Variants in MAGI2 observed in about 807,000 individuals in gnomAD.
The protein encoded by MAGI2 is membrane associated guanylate kinase, WW and PDZ domain containing 2.
MAGI2 carries 35 observed loss-of-function variants against 133.3 expected under a neutral mutation model. The observed-to-expected ratio is 0.26, with a 90% CI of 0.20 to 0.35. The LOEUF is 0.35. Ranked by LOEUF, MAGI2 falls within the 10% of genes least tolerant of loss-of-function variation. The pLI is 1.00. For synonymous variants in MAGI2, 729 were observed against 710.6 expected (o/e 1.03, Z -0.41); for missense variants, 1,636 against 1,863.4 (o/e 0.88, Z 2.25).
intron 2 of MAGI2, among the ~76,000 whole-genome samples, chr7:78,827,720 A>G (rs956037089): frequency 6.6e-6 from 1 of 152,212 alleles, no homozygotes; most frequent in Non-Finnish European, 1.5e-5. Flanking sequence ...ATATTGAAAC[A>G]CAACCAAAAG....
In MAGI2 at chr7:79,089,118, C is replaced by G. The variant is rs192817529; in HGVS notation, c.302-81912G>C. On this transcript the variant is annotated intron_variant, in intron 1 of 21. Coordinates refer to ENST00000354212, the MANE Select transcript of MAGI2 (RefSeq NM_012301.4). ...AACAAGTTTACAAGAAAAAGACAAA[C>G]AACCCCATCAAAAAAATGGGCAAAG... Among the ~76,000 whole-genome samples the G allele has an allele frequency of 1.0e-3, 154 of 152,092 alleles. 1 individual carries two copies. The highest frequency in any genetic ancestry group is 3.6e-3 in the African/African-American group (151 of 41,504).
intron 1 of MAGI2, among the ~76,000 whole-genome samples, chr7:79,312,867 G>T (rs911705052): frequency 6.6e-5 from 10 of 152,124 alleles, no homozygotes; most frequent in African/African-American, 2.4e-4. Flanking sequence ...CAATAAAGAT[G>T]CAGTTGCACC....
At chr7:79,407,590 T>C (rs1426888704) in intron 1 of MAGI2, among the ~76,000 whole-genome samples, 1 of 152,114 alleles carries the variant, frequency 6.6e-6, no homozygotes, top group Non-Finnish European at 1.5e-5. Context: ...GTGTAAGAGG[T>C]TGGTATGACG....
intron 6 of MAGI2, among the ~76,000 whole-genome samples, chr7:78,434,543 C>T (rs1800099000): frequency 6.6e-6 from 1 of 152,082 alleles, no homozygotes; most frequent in South Asian, 2.1e-4. Context: ...AGGAACATTT[C>T]TCTAGTTTCT....
intron 2 of MAGI2, among the ~76,000 whole-genome samples, chr7:78,801,455 T>C (rs1788045902): frequency 6.6e-6 from 1 of 152,130 alleles, no homozygotes; most frequent in Non-Finnish European, 1.5e-5. Flanking sequence ...TTGAGTCCAT[T>C]GTCTATCCCA....
intron 5 of MAGI2, 137 bp downstream of exon 5, chr7:78,501,440 C>T (rs1466074041): frequency 2.8e-6 from 2 of 717,304 alleles, no homozygotes. Context: ...TCCCACTATT[C>T]TCTCACAAAT....
At chr7:79,006,134 A>G (rs1807416427) in intron 2 of MAGI2, among the ~76,000 whole-genome samples, 1 of 152,180 alleles carries the variant, frequency 6.6e-6, no homozygotes, top group Admixed American at 6.5e-5. Context: ...TATTCCAGAT[A>G]ATTATAGTTA....
chr7:78,988,230 C>T (rs867327386), intron 2 of MAGI2, among the ~76,000 whole-genome samples: 1 of 151,986 alleles, frequency 6.6e-6, no homozygotes, highest in Non-Finnish European at 1.5e-5. Flanking sequence ...GGCCCCAGCC[C>T]AACTACAAAC....
chr7:78,578,992 C>T (rs1317173231), intron 3 of MAGI2, among the ~76,000 whole-genome samples: 1 of 152,196 alleles, frequency 6.6e-6, no homozygotes, highest in Non-Finnish European at 1.5e-5. Flanking sequence ...GGAAAACCCT[C>T]ACCGGGGGTT....
intron 1 of MAGI2, among the ~76,000 whole-genome samples, chr7:79,235,790 G>C (rs1280191025): frequency 1.3e-5 from 2 of 152,214 alleles, no homozygotes; most frequent in Non-Finnish European, 2.9e-5. Flanking sequence ...GACCGGAGCT[G>C]TTCCTATTCG....
rs141853807 is a variant in MAGI2, at chr7:78,392,381, A to T, written c.1046-23168T>A. Among the ~76,000 whole-genome samples, 250 of 152,302 alleles carry T rather than the reference A, an allele frequency of 1.6e-3. 1 individual carries two copies. Among genetic ancestry groups the T allele is most frequent in the African/African-American group, 5.5e-3 (229 of 41,574 alleles). ...AAAGATGGGGAAAAGTGTGTGAGAT[A>T]GAGAGATACTTTTGCAGAGAATGGG... On this transcript the variant is annotated intron_variant, in intron 6 of 21. Transcript: ENST00000354212.
At chr7:78,889,932 G>C (rs1796601822) in intron 2 of MAGI2, among the ~76,000 whole-genome samples, 1 of 152,152 alleles carries the variant, frequency 6.6e-6, no homozygotes, top group Non-Finnish European at 1.5e-5. Flanking sequence ...ACACAGACTG[G>C]CAAATTGGAT....
chr7:78,717,893 C>T (rs774273111), intron 2 of MAGI2, among the ~76,000 whole-genome samples: 8 of 152,126 alleles, frequency 5.3e-5, no homozygotes. Context: ...TAAGCAAATA[C>T]TGTGAAAGTC....
intron 1 of MAGI2, among the ~76,000 whole-genome samples, chr7:79,301,730 T>A (rs1837410529): frequency 6.6e-6 from 1 of 152,182 alleles, no homozygotes; most frequent in Admixed American, 6.5e-5. Context: ...GGGCCAAGGG[T>A]AGAATAATAT....
At chr7:78,284,217 CTAG>C (rs911439181) in intron 9 of MAGI2, among the ~76,000 whole-genome samples, 3 of 152,062 alleles carry the variant, frequency 2.0e-5, no homozygotes, top group African/African-American at 7.2e-5. Flanking sequence ...AAACCTTCCC[CTAG>C]GCAAATGTTT....
chr7:78,542,558 T>A (rs1798501101), intron 3 of MAGI2, among the ~76,000 whole-genome samples: 1 of 152,202 alleles, frequency 6.6e-6, no homozygotes, highest in Non-Finnish European at 1.5e-5. Flanking sequence ...GAAGCGATGC[T>A]ATTTATACTA....
intron 1 of MAGI2, among the ~76,000 whole-genome samples, chr7:79,020,114 T>G (rs2116679898): frequency 6.6e-6 from 1 of 152,270 alleles, no homozygotes; most frequent in African/African-American, 2.4e-5. Flanking sequence ...TAGTCTCAGT[T>G]GGAGATGAGG....
intron 2 of MAGI2, among the ~76,000 whole-genome samples, chr7:78,821,319 A>G (rs1481730431): frequency 6.6e-6 from 1 of 152,066 alleles, no homozygotes; most frequent in African/African-American, 2.4e-5. Context: ...GGAAACAGCC[A>G]TTGCTTTCAG....
At chr7:78,746,926 T>C (rs1822978868) in intron 2 of MAGI2, among the ~76,000 whole-genome samples, 1 of 152,138 alleles carries the variant, frequency 6.6e-6, no homozygotes, top group African/African-American at 2.4e-5. Context: ...AAAGATGAAA[T>C]AACTATTATT....
Sources: allele counts gnomAD v4.1 joint callset (sites outside exome capture counted in the v4.1 genomes callset), GRCh38; gene constraint gnomAD v4.1.1; transcripts MANE v1.5; gene names NCBI Gene and HGNC (gene_info 2026-07-23, HGNC 2026-07-21).